The following SLC71A2 variants were observed in gnomAD, a reference collection of about 807,000 sequenced individuals.
SLC71A2 encodes solute carrier family 71 member 2.
At chr9:94,445,331 GAGTT>G in the SLC71A2 span, 23 of 642,950 alleles carry the variant, frequency 3.6e-5, no homozygotes, top group Non-Finnish European at 6.1e-5. Context: ...GTAAGGGATT[GAGTT>G]AGTCTTTGTA....
chr9:94,453,981 G>A, the SLC71A2 span: 2 of 1,613,678 alleles, frequency 1.2e-6, no homozygotes, highest in Non-Finnish European at 1.7e-6. Flanking sequence ...GCATCTTGAT[G>A]AGATCATTAG....
At chr9:94,443,895 T>G in the SLC71A2 span, among the ~76,000 whole-genome samples, 1 of 152,188 alleles carries the variant, frequency 6.6e-6, no homozygotes, top group Non-Finnish European at 1.5e-5. Context: ...CATAGTAGAT[T>G]CTCAGTAAAT....
the SLC71A2 span, among the ~76,000 whole-genome samples, chr9:94,409,567 TA>T: frequency 6.6e-6 from 1 of 152,224 alleles, no homozygotes; most frequent in Non-Finnish European, 1.5e-5. Flanking sequence ...AGTGGAAAGT[TA>T]AATTATTGAT....
the SLC71A2 span, among the ~76,000 whole-genome samples, chr9:94,428,546 G>A: frequency 8.1e-3 from 1,225 of 150,432 alleles, 8 homozygotes; most frequent in Middle Eastern, 0.017. Context: ...AAATTGAGAG[G>A]AAGGTACAGA....
At chr9:94,449,473 A>AT in the SLC71A2 span, among the ~76,000 whole-genome samples, 1 of 152,262 alleles carries the variant, frequency 6.6e-6, no homozygotes, top group African/African-American at 2.4e-5. Flanking sequence ...CAAAAGGCCA[A>AT]TAAGCACAGG....
At chr9:94,402,026 A>T in the SLC71A2 span, among the ~76,000 whole-genome samples, 2 of 152,168 alleles carry the variant, frequency 1.3e-5, no homozygotes, top group African/African-American at 4.8e-5. Context: ...GGAGTATAGC[A>T]GTGACGATGA....
the SLC71A2 span, chr9:94,459,469 A>G: frequency 3.3e-5 from 53 of 1,595,740 alleles, no homozygotes; most frequent in African/African-American, 6.8e-4. Flanking sequence ...GGAGGGAGCC[A>G]CACCCCTGGT....
At chr9:94,443,257 A>G in the SLC71A2 span, among the ~76,000 whole-genome samples, 1 of 152,118 alleles carries the variant, frequency 6.6e-6, no homozygotes, top group Admixed American at 6.6e-5. Context: ...ACACATCCAG[A>G]CTGAGACGGC....
chr9:94,383,206 A>G, the SLC71A2 span, among the ~76,000 whole-genome samples: 6 of 118,562 alleles, frequency 5.1e-5, no homozygotes, highest in African/African-American at 6.8e-5. Context: ...CCCATCGCCC[A>G]TGCTAGAGTG....
chr9:94,399,200 G>A, the SLC71A2 span, among the ~76,000 whole-genome samples: 2 of 152,110 alleles, frequency 1.3e-5, no homozygotes, highest in African/African-American at 4.8e-5. Context: ...AGTGAGACCT[G>A]GCTTGCCATG....
chr9:94,412,450 A>G, the SLC71A2 span, among the ~76,000 whole-genome samples: 1 of 152,202 alleles, frequency 6.6e-6, no homozygotes, highest in African/African-American at 2.4e-5. Flanking sequence ...AAAGGATATT[A>G]ATAGTCCCAC....
the SLC71A2 span, chr9:94,460,823 T>C: frequency 6.6e-6 from 1 of 152,416 alleles, no homozygotes; most frequent in African/African-American, 2.4e-5. Context: ...TTTTGAAACC[T>C]GTTCTGCTAT....
chr9:94,401,310 T>A, the SLC71A2 span, among the ~76,000 whole-genome samples: 1 of 152,138 alleles, frequency 6.6e-6, no homozygotes, highest in East Asian at 1.9e-4. Flanking sequence ...TAGCTGGGAT[T>A]ACAGGCGTCC....
chr9:94,458,306 C>A, the SLC71A2 span: 29 of 1,594,866 alleles, frequency 1.8e-5, 1 homozygote, highest in South Asian at 3.3e-4. Context: ...GCATTATTTT[C>A]TTTGTTCTGA....
chr9:94,386,223 T>C, the SLC71A2 span, among the ~76,000 whole-genome samples: 1 of 148,926 alleles, frequency 6.7e-6, no homozygotes, highest in African/African-American at 2.5e-5. Context: ...GATGCTGTTA[T>C]AAATGAAATC....
chr9:94,410,155 G>A, the SLC71A2 span, among the ~76,000 whole-genome samples: 1 of 151,762 alleles, frequency 6.6e-6, no homozygotes. Context: ...GAGTGCAGTG[G>A]TGCAGTCATA....
At chr9:94,384,381 C>G in the SLC71A2 span, among the ~76,000 whole-genome samples, 1 of 143,354 alleles carries the variant, frequency 7.0e-6, no homozygotes, top group Non-Finnish European at 1.5e-5. Context: ...CTCTGTTGCT[C>G]AGGCTGGAGT....
the SLC71A2 span, chr9:94,429,378 T>G: frequency 2.1e-6 from 3 of 1,408,868 alleles, no homozygotes; most frequent in Non-Finnish European, 2.9e-6. Context: ...AAATCTAAAT[T>G]TTTAGCTGGG....
the SLC71A2 span, among the ~76,000 whole-genome samples, chr9:94,452,491 G>A: frequency 4.6e-5 from 7 of 151,902 alleles, no homozygotes; most frequent in Admixed American, 6.6e-5. Flanking sequence ...CAGCTACTCA[G>A]GAGGCTGAGG....
Sources: gnomAD v4.1 joint callset for allele counts (sites outside exome capture counted in the v4.1 genomes callset) on GRCh38, gnomAD v4.1.1 for gene constraint, MANE v1.5 for transcripts, NCBI Gene and HGNC (gene_info 2026-07-23, HGNC 2026-07-21) for gene names.